MTHFD1L: variants seen among roughly 807,000 people sequenced by gnomAD.
MTHFD1L encodes the protein methylenetetrahydrofolate dehydrogenase (NADP+ dependent) 1 like.
Under a neutral mutation model 119.5 loss-of-function variants are expected in MTHFD1L, and 81 were observed. The ratio of observed to expected loss-of-function variants is 0.68; its 90% CI spans 0.57 to 0.82. The LOEUF (loss-of-function observed/expected upper bound fraction) is 0.82, where lower values mean the gene tolerates loss of function less well. MTHFD1L is among the 40% of genes least tolerant of loss of function. MTHFD1L has a pLI of 0.00. For missense variants in MTHFD1L, 1,125 were observed against 1,253.4 expected (o/e 0.90, Z 1.55); for synonymous variants, 430 against 475.2 (o/e 0.90, Z 1.24).
intron 7 of MTHFD1L, among the ~76,000 whole-genome samples, chr6:150,896,310 G>A (rs1433935113): frequency 1.3e-5 from 2 of 152,222 alleles, no homozygotes; most frequent in African/African-American, 2.4e-5. Flanking sequence ...ATGAGCTGAA[G>A]TAGAGTGAAT....
intron 20 of MTHFD1L, among the ~76,000 whole-genome samples, chr6:151,001,212 G>A (rs1323482154): frequency 6.6e-6 from 1 of 152,114 alleles, no homozygotes; most frequent in Non-Finnish European, 1.5e-5. Context: ...GAGAAAAGTT[G>A]CTACCATTGT....
At chr6:150,981,810 G>A (rs990306389) in intron 20 of MTHFD1L, among the ~76,000 whole-genome samples, 4 of 152,196 alleles carry the variant, frequency 2.6e-5, no homozygotes, top group Non-Finnish European at 5.9e-5. Flanking sequence ...AGGTGGCCAG[G>A]CACAGTGGCT....
At chr6:150,909,667 G>A (rs937490210) in intron 8 of MTHFD1L, among the ~76,000 whole-genome samples, 2 of 152,204 alleles carry the variant, frequency 1.3e-5, no homozygotes, top group African/African-American at 4.8e-5. Context: ...ATTTACTGAT[G>A]TAACAAATGG....
At chr6:150,987,802 T>G (rs1778513511) in intron 20 of MTHFD1L, among the ~76,000 whole-genome samples, 1 of 152,234 alleles carries the variant, frequency 6.6e-6, no homozygotes, top group East Asian at 1.9e-4. Context: ...ACTTAACTAC[T>G]GGTAAACCTG....
rs1258112786 is a variant in MTHFD1L, at chr6:150,945,508, A to T, written c.1590A>T (p.Arg530Ser). 3.7e-6 allele frequency: 6 copies of T among 1,613,964 alleles called. No individual in the cohort carries two copies. Among genetic ancestry groups the T allele is most frequent in the Non-Finnish European group, 4.2e-6 (5 of 1,180,018 alleles). The part of the protein sequence containing the change: ...NRLVPLVNGV[R>S]EFSEIQLARL... Reference sequence around the variant, plus strand: ...TGGTTCCTTTAGTGAATGGTGTCAGAGAATTTTCAGAAATTCAGCTTGCTC... The same window carrying T: ...TGGTTCCTTTAGTGAATGGTGTCAGTGAATTTTCAGAAATTCAGCTTGCTC... Residue 530 changes from arginine (R) to serine (S), a missense_variant, in exon 15 of 28, where the codon AGA (arginine) becomes AGT (serine). By Grantham distance (110) the Arg-to-Ser change is moderately radical. Transcript: ENST00000367321.
intron 19 of MTHFD1L, among the ~76,000 whole-genome samples, chr6:150,971,561 A>T (rs1798006244): frequency 2.0e-5 from 3 of 152,208 alleles, no homozygotes; most frequent in Admixed American, 2.0e-4. Context: ...TAAAAAAATA[A>T]ATATACCTTT....
chr6:150,905,465 G>A (rs1374455606), intron 7 of MTHFD1L, among the ~76,000 whole-genome samples, 185 bp from the exon 8 acceptor site: 2 of 152,124 alleles, frequency 1.3e-5, no homozygotes, highest in East Asian at 3.8e-4. Context: ...TCTAGGATAT[G>A]ATAATCATTT....
At chr6:151,085,576 G>T (rs992349988) in intron 26 of MTHFD1L, among the ~76,000 whole-genome samples, 5 of 152,128 alleles carry the variant, frequency 3.3e-5, no homozygotes, top group Non-Finnish European at 5.9e-5. Flanking sequence ...TTTGAGACCA[G>T]CCTGGCCAAC....
chr6:150,958,623 A>G (rs1795984612), intron 17 of MTHFD1L, among the ~76,000 whole-genome samples: 1 of 152,202 alleles, frequency 6.6e-6, no homozygotes, highest in African/African-American at 2.4e-5. Flanking sequence ...GCATACCTGT[A>G]TCAGAATAGT....
At chr6:150,932,638 C>T (rs1791261290) in intron 11 of MTHFD1L, among the ~76,000 whole-genome samples, 1 of 151,760 alleles carries the variant, frequency 6.6e-6, no homozygotes, top group Admixed American at 6.6e-5. Context: ...GGTGTGATGA[C>T]GTGCCTGTAG....
At chr6:151,032,181 G>GAA (rs1785423399) in intron 24 of MTHFD1L, among the ~76,000 whole-genome samples, 1 of 152,154 alleles carries the variant, frequency 6.6e-6, no homozygotes, top group Admixed American at 6.5e-5. Flanking sequence ...CTCTCGAGTT[G>GAA]CTATAAAGGC....
intron 16 of MTHFD1L, 128 bp from the exon 17 acceptor site, chr6:150,955,867 C>T: frequency 1.4e-6 from 1 of 721,530 alleles, no homozygotes; most frequent in Non-Finnish European, 2.4e-6. Context: ...ACTAGATGGT[C>T]AGCTTGGGGG....
chr6:150,938,237 C>T (rs772662548), intron 12 of MTHFD1L, among the ~76,000 whole-genome samples: 18 of 152,136 alleles, frequency 1.2e-4, no homozygotes, highest in Non-Finnish European at 2.4e-4. Flanking sequence ...AGGCCGGTCT[C>T]GAACTCCTGA....
At chr6:151,075,869 A>G (rs943039765) in intron 26 of MTHFD1L, among the ~76,000 whole-genome samples, 1 of 152,226 alleles carries the variant, frequency 6.6e-6, no homozygotes, top group Non-Finnish European at 1.5e-5. Flanking sequence ...TTTGCAAGTT[A>G]TCTATTTGAT....
intron 24 of MTHFD1L, among the ~76,000 whole-genome samples, chr6:151,034,095 C>G (rs1243512913): frequency 6.6e-6 from 1 of 151,724 alleles, no homozygotes; most frequent in Non-Finnish European, 1.5e-5. Context: ...ATGGGAGGAT[C>G]ACTTGAGCCT....
intron 8 of MTHFD1L, among the ~76,000 whole-genome samples, chr6:150,910,167 G>A (rs1786618849): frequency 6.6e-6 from 1 of 151,614 alleles, no homozygotes; most frequent in African/African-American, 2.4e-5. Flanking sequence ...GGCAGCAAGA[G>A]CAAAGCTCCA....
intron 1 of MTHFD1L, among the ~76,000 whole-genome samples, chr6:150,873,949 G>A (rs1281481059): frequency 2.6e-5 from 4 of 152,092 alleles, no homozygotes; most frequent in Non-Finnish European, 4.4e-5. Context: ...GGGATTATAG[G>A]TGTGAGCCAC....
chr6:150,870,113 T>C (rs931618092), intron 1 of MTHFD1L, among the ~76,000 whole-genome samples: 17 of 152,242 alleles, frequency 1.1e-4, no homozygotes, highest in African/African-American at 4.1e-4. Context: ...ATGGTGAAAA[T>C]AACAAAGCTG....
chr6:150,871,047 ATAATATATATACCT>A (rs1293540654), intron 1 of MTHFD1L, among the ~76,000 whole-genome samples: 16 of 145,242 alleles, frequency 1.1e-4, no homozygotes, highest in South Asian at 8.4e-4. Context: ...TATATACCTT[ATAATATATATACCT>A]TAATATATAT....
Sources: allele counts gnomAD v4.1 joint callset (sites outside exome capture counted in the v4.1 genomes callset), GRCh38; gene constraint gnomAD v4.1.1; transcripts MANE v1.5; gene names NCBI Gene and HGNC (gene_info 2026-07-23, HGNC 2026-07-21).